SPATA16: variants seen among roughly 807,000 people sequenced by gnomAD.
SPATA16 encodes the protein spermatogenesis-associated protein 16.
A neutral mutation model predicts 63.3 loss-of-function variants in SPATA16; 36 were observed. The observed-to-expected ratio is 0.57, with a 90% confidence interval of 0.44 to 0.75. The LOEUF (loss-of-function observed/expected upper bound fraction) is 0.75. SPATA16 is among the 30% of genes least tolerant of loss of function. SPATA16 has a pLI of 0.00. For missense variants in SPATA16, 646 were observed against 679.3 expected (o/e 0.95, Z 0.54); for synonymous variants, 203 against 216.7 (o/e 0.94, Z 0.56).
intron 8 of SPATA16, among the ~76,000 whole-genome samples, chr3:172,922,041 G>T (rs1300790558): frequency 2.6e-5 from 4 of 152,174 alleles, no homozygotes; most frequent in Non-Finnish European, 4.4e-5. Flanking sequence ...GGCTCCTTGG[G>T]TTACAGTCAA....
intron 3 of SPATA16, among the ~76,000 whole-genome samples, chr3:173,037,034 G>A (rs766706425): frequency 2.3e-4 from 35 of 151,804 alleles, no homozygotes; most frequent in Non-Finnish European, 4.9e-4. Flanking sequence ...AAAATGTAAC[G>A]ACGTTAAAAT....
At chr3:172,910,649 C>T (rs1304308529) in intron 10 of SPATA16, among the ~76,000 whole-genome samples, 2 of 152,078 alleles carry the variant, frequency 1.3e-5, no homozygotes, top group Non-Finnish European at 2.9e-5. Context: ...GCTTGAGTCT[C>T]ATGAGGACCA....
rs548955206 is a variant in SPATA16 at position 173,112,947 on chromosome 3, T to G, written c.612+4173A>C. 3.6e-5 allele frequency among the ~76,000 whole-genome samples: 5 copies of G among 139,092 alleles called. No individual in the cohort carries two copies. In the East Asian group the frequency reaches 9.7e-4, roughly 27 times the overall value. 91.2% of individuals were successfully genotyped at this position (139,092 alleles called of 152,430 possible). On this transcript the variant is annotated intron_variant, in intron 2 of 10. Transcript: ENST00000351008. ...TATGATTAAGATTGAAATGGTGGTG[T>G]TGTTTAAGTTGCATGCTATGAAGTT... is the stretch of plus-strand genomic sequence containing the variant.
At chr3:173,134,877 AAAC>A (rs1358323774) in intron 1 of SPATA16, among the ~76,000 whole-genome samples, 1 of 152,242 alleles carries the variant, frequency 6.6e-6, no homozygotes, top group African/African-American at 2.4e-5. Context: ...AATGTAAAAA[AAAC>A]AACATTAATG....
chr3:173,103,156 G>T (rs1434143045), intron 2 of SPATA16, among the ~76,000 whole-genome samples: 1 of 152,198 alleles, frequency 6.6e-6, no homozygotes. Context: ...GCAGGGTTAG[G>T]CCCCTGTGGC....
chr3:172,945,240 T>C (rs1733252610), intron 6 of SPATA16, among the ~76,000 whole-genome samples: 1 of 152,252 alleles, frequency 6.6e-6, no homozygotes, highest in Non-Finnish European at 1.5e-5. Flanking sequence ...CAGAACAATT[T>C]GGACCAACCT....
intron 3 of SPATA16, among the ~76,000 whole-genome samples, chr3:173,035,161 A>G (rs1735687863): frequency 6.6e-6 from 1 of 152,116 alleles, no homozygotes; most frequent in African/African-American, 2.4e-5. Context: ...GCCCTCAACT[A>G]AGTGTTAACC....
intron 6 of SPATA16, among the ~76,000 whole-genome samples, chr3:172,931,906 A>G (rs1345610598): frequency 3.3e-5 from 5 of 152,200 alleles, no homozygotes; most frequent in Admixed American, 3.3e-4. Flanking sequence ...TTAGTTTTAT[A>G]GTTGGCTTGC....
At chr3:173,102,684 C>A (rs1737525766) in intron 2 of SPATA16, among the ~76,000 whole-genome samples, 1 of 152,194 alleles carries the variant, frequency 6.6e-6, no homozygotes. Context: ...TACATCTCAA[C>A]ATGAGATTTG....
chr3:172,959,435 GC>G (rs1330436225), intron 5 of SPATA16, among the ~76,000 whole-genome samples: 10 of 152,310 alleles, frequency 6.6e-5, no homozygotes, highest in African/African-American at 2.4e-4. Context: ...CTGGAGAGCA[GC>G]CTCCCTCTCT....
chr3:173,035,159 C>T (rs984588712), intron 3 of SPATA16, among the ~76,000 whole-genome samples: 6 of 152,052 alleles, frequency 3.9e-5, no homozygotes, highest in African/African-American at 1.4e-4. Flanking sequence ...TAGCCCTCAA[C>T]TAAGTGTTAA....
intron 10 of SPATA16, among the ~76,000 whole-genome samples, chr3:172,899,890 C>T (rs990325845): frequency 6.6e-6 from 1 of 152,094 alleles, no homozygotes; most frequent in Non-Finnish European, 1.5e-5. Context: ...TTCACCCTCT[C>T]CCATTTTTAA....
At chr3:173,064,331 A>G (rs1736461653) in intron 2 of SPATA16, among the ~76,000 whole-genome samples, 3 of 151,652 alleles carry the variant, frequency 2.0e-5, no homozygotes, top group South Asian at 4.2e-4. Flanking sequence ...AAAAAAAAAA[A>G]AAAAAAAAAG....
intron 5 of SPATA16, among the ~76,000 whole-genome samples, chr3:172,957,194 T>A (rs1577105756): frequency 6.6e-6 from 1 of 152,144 alleles, no homozygotes; most frequent in African/African-American, 2.4e-5. Context: ...GCAATTTGTA[T>A]ATGGAGAGAT....
chr3:173,062,421 G>T (rs1736401218), intron 2 of SPATA16, among the ~76,000 whole-genome samples: 1 of 152,170 alleles, frequency 6.6e-6, no homozygotes, highest in Non-Finnish European at 1.5e-5. Context: ...CTCAGCTCTT[G>T]TACTTTGACT....
intron 4 of SPATA16, among the ~76,000 whole-genome samples, chr3:173,002,751 A>AGAT (rs760270926): frequency 1.3e-5 from 2 of 152,184 alleles, no homozygotes; most frequent in Non-Finnish European, 2.9e-5. Context: ...TACAGACAAA[A>AGAT]GATCAACATA....
At position 172,913,742 on chromosome 3, in the gene SPATA16, C is replaced by T; in HGVS notation, c.1506G>A (p.Leu502=). The change falls in exon 10 of 11, where the codon CTG becomes CTA. Residue 502 remains leucine (L), a splice_region_variant and synonymous_variant. Coordinates refer to ENST00000351008, the MANE Select transcript of SPATA16 (RefSeq NM_031955.6). ...QDISQQEAEL[L]QSLMADAMDT... is the part of the protein sequence containing the mutation. ...CCATAGCATCTGCCATTAGTGACTG[C>T]AGCTGTGGCACCAAGATAAAAATTA... The T allele has an allele frequency of 1.2e-6, 2 of 1,613,128 alleles. No individual in the cohort carries two copies. Among genetic ancestry groups the T allele is most frequent in the Non-Finnish European group, 1.7e-6 (2 of 1,179,320 alleles).
intron 4 of SPATA16, among the ~76,000 whole-genome samples, chr3:173,005,344 A>G (rs529994677): frequency 2.6e-4 from 39 of 151,726 alleles, no homozygotes; most frequent in African/African-American, 7.2e-4. Flanking sequence ...AAAAAAAAAA[A>G]AAAGAAAATG....
chr3:173,045,707 G>T (rs1735942846), intron 3 of SPATA16, among the ~76,000 whole-genome samples: 1 of 151,804 alleles, frequency 6.6e-6, no homozygotes. Context: ...TTCCTTCACA[G>T]CATTTATCAT....
Sources: allele counts gnomAD v4.1 joint callset (sites outside exome capture counted in the v4.1 genomes callset), GRCh38; gene constraint gnomAD v4.1.1; transcripts MANE v1.5; gene names NCBI Gene and HGNC (gene_info 2026-07-23, HGNC 2026-07-21).